PRKAR1B: variants seen among roughly 807,000 people sequenced by gnomAD.
PRKAR1B encodes the protein protein kinase cAMP-dependent type I regulatory subunit beta.
A neutral mutation model predicts 46.5 loss-of-function variants in PRKAR1B; 22 were observed. The ratio of observed to expected loss-of-function variants is 0.47; its 90% confidence interval spans 0.34 to 0.68. The LOEUF (loss-of-function observed/expected upper bound fraction) is 0.68, where lower values mean the gene tolerates loss of function less well. Among genes scored for constraint, PRKAR1B ranks in the 30% least tolerant of loss-of-function variants. The pLI is 0.01. For missense variants in PRKAR1B, 445 were observed against 535.6 expected (o/e 0.83, Z 1.67); for synonymous variants, 259 against 217.7 (o/e 1.19, Z -1.67).
At chr7:647,098 C>A (rs1487258417) in intron 4 of PRKAR1B, among the ~76,000 whole-genome samples, 1 of 152,212 alleles carries the variant, frequency 6.6e-6, no homozygotes, top group African/African-American at 2.4e-5. Flanking sequence ...ACACAGCCGA[C>A]CACCTGTCCC....
At chr7:618,475 T>C (rs557608196) in intron 4 of PRKAR1B, among the ~76,000 whole-genome samples, 2 of 152,334 alleles carry the variant, frequency 1.3e-5, no homozygotes, top group Admixed American at 6.5e-5. Flanking sequence ...TCTTAAAACA[T>C]AGAATCTTAA....
chr7:602,775 C>T lies in PRKAR1B; in HGVS notation c.549+3418G>A. The T allele has an allele frequency of 5.9e-6, 1 of 168,290 alleles. No homozygotes were observed. The highest frequency in any genetic ancestry group is 5.7e-4 in the Middle Eastern group (1 of 1,756). 10.4% of individuals were successfully genotyped at this position (168,290 alleles called of 1,614,324 possible). A position where few individuals can be genotyped will look rare whatever the true frequency, so the allele number is the denominator to read the frequency against. ...CCACACCAGGGGCCAAGAGCAGAAC[C>T]CCAGGAGGGTTATCTCAGTCTTCCC... On this transcript the variant is annotated intron_variant, in intron 6 of 10. Coordinates refer to ENST00000537384, the MANE Select transcript of PRKAR1B (RefSeq NM_001164760.2). This position sits in a 1 kb window ranked among gnomAD's most constrained non-coding sequence, Gnocchi z 6.4.
At chr7:728,179 G>T (rs1326034796), upstream of PRKAR1B, among the ~76,000 whole-genome samples, 1 of 152,136 alleles carries the variant, frequency 6.6e-6, no homozygotes, top group Non-Finnish European at 1.5e-5. Flanking sequence ...ATTCCTGCAG[G>T]GTCTTGCCCT....
chr7:621,477 AAAGC>A, intron 4 of PRKAR1B, among the ~76,000 whole-genome samples: 1 of 152,368 alleles, frequency 6.6e-6, no homozygotes, highest in Non-Finnish European at 1.5e-5. Context: ...TTGTACTCCC[AAAGC>A]AAGAATTCAG....
chr7:718,592 G>A (rs1282068718), intron 1 of PRKAR1B, among the ~76,000 whole-genome samples: 7 of 151,812 alleles, frequency 4.6e-5, no homozygotes, highest in Non-Finnish European at 1.0e-4. Context: ...CCTGACCTCA[G>A]GTGATCCACC....
intron 8 of PRKAR1B, among the ~76,000 whole-genome samples, chr7:581,796 G>A (rs575205397): frequency 6.6e-6 from 1 of 152,040 alleles, no homozygotes; most frequent in African/African-American, 2.4e-5. Context: ...GCTCACCACA[G>A]CCTTGAACTC....
chr7:550,574 G>T lies in PRKAR1B; in HGVS notation c.1002C>A (p.Pro334=), dbSNP rs375046566. ...FGEIALLLNR[P]RAATVVARGP... is the part of the protein sequence containing the mutation. ...CCCGGGCCACGACAGTGGCCGCCCG[G>T]GGCCGGTTCAGCAGCAGTGCAATCT... Residue 334 remains proline (P), a synonymous_variant, in exon 11 of 11, where the codon CCC becomes CCA. Transcript: ENST00000537384. 331 of 1,593,494 alleles carry T rather than the reference G, an allele frequency of 2.1e-4. No individual in the cohort carries two copies. The African/African-American group carries it at 3.7e-3, about 18-fold the overall frequency.
At chr7:638,646 G>A (rs780042164) in intron 4 of PRKAR1B, among the ~76,000 whole-genome samples, 4 of 152,196 alleles carry the variant, frequency 2.6e-5, no homozygotes, top group Admixed American at 6.5e-5. Context: ...ACGAGAAGAC[G>A]GGCAGGACTT....
At chr7:710,135 A>T (rs1417507021) in intron 2 of PRKAR1B, among the ~76,000 whole-genome samples, 1 of 152,198 alleles carries the variant, frequency 6.6e-6, no homozygotes, top group East Asian at 1.9e-4. Context: ...GGACTATGTG[A>T]TCACAGGAGG....
chr7:656,288 G>A (rs1021541725), intron 4 of PRKAR1B, among the ~76,000 whole-genome samples: 7 of 150,000 alleles, frequency 4.7e-5, no homozygotes, highest in African/African-American at 1.7e-4. Flanking sequence ...ATGGATGAAT[G>A]AGTGGATACA....
intron 7 of PRKAR1B, among the ~76,000 whole-genome samples, chr7:592,887 T>G (rs1781063253): frequency 6.6e-6 from 1 of 151,926 alleles, no homozygotes; most frequent in African/African-American, 2.4e-5. Context: ...AATTTTTTAA[T>G]TAGTCAGGCG....
chr7:668,108 C>G (rs1786036013), intron 4 of PRKAR1B, among the ~76,000 whole-genome samples: 1 of 152,172 alleles, frequency 6.6e-6, no homozygotes, highest in Admixed American at 6.6e-5. Flanking sequence ...GTCATTAGGC[C>G]AGCAGGTGTG....
chr7:592,958 C>T (rs1166308045), intron 7 of PRKAR1B, among the ~76,000 whole-genome samples: 1 of 152,266 alleles, frequency 6.6e-6, no homozygotes, highest in East Asian at 1.9e-4. Flanking sequence ...ATGGCTTGAG[C>T]CGGGGAGGCG....
rs1780130665 is a variant in PRKAR1B, at chr7:702,786, G to A, written c.177+8543C>T. On this transcript the variant is annotated intron_variant, in intron 2 of 10. Transcript: ENST00000537384. ...CGCAGTGAGCGGAGATTGTGCCACT[G>A]CACTCCAGCCTGGGCAAACGGGGCA... Among the ~76,000 whole-genome samples, 4 of 152,142 alleles carry A rather than the reference G, an allele frequency of 2.6e-5. No individual in the cohort carries two copies. In the South Asian group the frequency reaches 8.3e-4, roughly 32 times the overall value.
chr7:686,601 A>T (rs544529730), intron 2 of PRKAR1B, among the ~76,000 whole-genome samples: 35 of 152,246 alleles, frequency 2.3e-4, no homozygotes, highest in African/African-American at 7.7e-4. Flanking sequence ...TTAAAGTATA[A>T]ATCAGGTTTT....
At chr7:611,769 AATGG>A (rs66758527) in intron 4 of PRKAR1B, among the ~76,000 whole-genome samples, 81,399 of 149,874 alleles carry the variant, frequency 0.54, 23,265 homozygotes, top group South Asian at 0.8. Flanking sequence ...TAGACGAATG[AATGG>A]ATGGATGGAT....
intron 4 of PRKAR1B, among the ~76,000 whole-genome samples, chr7:674,339 T>C (rs1159971892): frequency 1.3e-5 from 2 of 151,432 alleles, no homozygotes; most frequent in Non-Finnish European, 2.9e-5. Context: ...ACTCCAGCCA[T>C]GCCCAGCTAT....
intron 9 of PRKAR1B, 161 bp downstream of exon 9, chr7:579,095 G>C (rs1034919956): frequency 1.0e-6 from 1 of 985,376 alleles, no homozygotes; most frequent in Non-Finnish European, 1.2e-6. Context: ...GGAATGTGAG[G>C]CCACAGACCA....
Position 642,474 on chromosome 7 carries a change from C to T in PRKAR1B, c.440+34755G>A, listed in dbSNP as rs897699679. On this transcript the variant is annotated intron_variant, in intron 4 of 10. Coordinates refer to ENST00000537384, the MANE Select transcript of PRKAR1B (RefSeq NM_001164760.2). ...GGCGCGGTGGCTCACGCCTGTAATC[C>T]CAGCACTTTGGGGGGCCGAGGCGGG... Among the ~76,000 whole-genome samples the T allele has an allele frequency of 2.0e-5, 3 of 149,086 alleles. No individual in the cohort carries two copies. The Admixed American group carries it at 2.0e-4, about 10-fold the overall frequency.
Sources: allele counts gnomAD v4.1 joint callset (sites outside exome capture counted in the v4.1 genomes callset), GRCh38; gene constraint gnomAD v4.1.1; non-coding constraint Gnocchi (gnomAD v3.1); transcripts MANE v1.5; gene names NCBI Gene and HGNC (gene_info 2026-07-23, HGNC 2026-07-21).